Variants in MUC4 observed in about 807,000 individuals in gnomAD.
The protein encoded by MUC4 is mucin-4.
In MUC4, 202 loss-of-function variants were observed where a neutral mutation model predicts 257.9. The observed-to-expected ratio is 0.78, with a 90% CI of 0.70 to 0.88. The LOEUF (loss-of-function observed/expected upper bound fraction) is 0.88, where lower values mean the gene tolerates loss of function less well. Ranked by LOEUF, MUC4 falls within the 40% of genes least tolerant of loss-of-function variation. The pLI, the probability that MUC4 is intolerant of heterozygous loss-of-function variation, is 0.00. For synonymous variants in MUC4, 2,351 were observed against 2,757.1 expected (o/e 0.85, Z 4.62); for missense variants, 5,976 against 6,513.7 (o/e 0.92, Z 2.84).
intron 1 of MUC4, among the ~76,000 whole-genome samples, chr3:195,807,965 C>T (rs1403615807): frequency 6.6e-6 from 1 of 152,208 alleles, no homozygotes; most frequent in Admixed American, 6.5e-5. Flanking sequence ...AGGCAGGGAG[C>T]GGTGAGGCAG....
At chr3:195,748,091 G>C (rs78201932) in intron 24 of MUC4, among the ~76,000 whole-genome samples, 3,864 of 151,836 alleles carry the variant, frequency 0.025, 24 homozygotes, top group African/African-American at 0.088. Context: ...CGGAGCCCAG[G>C]TCTGCGTGGG....
chr3:195,762,104 C>A lies in MUC4; in HGVS notation c.14495G>T (p.Arg4832Leu), dbSNP rs1325189588. 3 of 1,603,084 alleles carry A rather than the reference C, an allele frequency of 1.9e-6. No homozygotes were observed. Among genetic ancestry groups the A allele is most frequent in the East Asian group, 4.5e-5 (2 of 44,586 alleles). ...SASLPPEYQN[R>L]TEGLLGVWNN... The stretch of plus-strand genomic sequence containing the variant: ...GCCCTCACCCAGGAGCCCCTCCGTG[C>A]GGTTCTGGTACTCGGGCGGGAGGCT... The change falls in exon 14 of 25, where the codon CGC (arginine) becomes CTC (leucine). Residue 4832 changes from arginine to leucine, a missense_variant. Physicochemically the swap from Arg to Leu is moderately radical, Grantham distance 102. Around this residue, in one of 44 missense-constraint regions of MUC4, gnomAD observed 996 missense variants for 1,137.3 expected, o/e 0.88. Transcript: ENST00000463781.
At chr3:195,754,609 G>A (rs1671755546) in intron 18 of MUC4, among the ~76,000 whole-genome samples, 1 of 152,214 alleles carries the variant, frequency 6.6e-6, no homozygotes, top group Non-Finnish European at 1.5e-5. Context: ...CTGACCCCCT[G>A]CCTGGCCCTG....
Position 195,764,088 on chromosome 3 carries a change from C to T in MUC4, c.14001G>A (p.Arg4667=), listed in dbSNP as rs1719869702. 3 of 1,609,196 alleles carry T rather than the reference C, an allele frequency of 1.9e-6. No individual in the cohort carries two copies. The highest frequency in any genetic ancestry group is 2.2e-5 in the East Asian group (1 of 44,722). The change falls in exon 11 of 25, where the codon AGG becomes AGA. Residue 4667 remains arginine, a synonymous_variant. Coordinates refer to ENST00000463781, the MANE Select transcript of MUC4 (RefSeq NM_018406.7). ...ATGTAGCACAGCCCACGTGGGGCCG[C>T]CTCTGCTGGTACAGGGCACAGAGGT... ...KPYLCALYQQ[R]RPHVGCATYR... is the part of the protein sequence containing the mutation.
rs769365481 is a variant in MUC4 at position 195,783,305 on chromosome 3, A to T, written c.8275T>A (p.Ser2759Thr). Reference protein sequence around the residue: ...DTTPLPVTDTSSASTGHATPL... With the variant: ...DTTPLPVTDTTSASTGHATPL... ...GTGGCGTGACCTGTGGATGCTGAGG[A>T]AGTGTCGGTGACAGGAAGAGGGGTG... Residue 2759 changes from serine to threonine, a missense_variant, in exon 2 of 25, where the codon TCC becomes ACC. Around this residue, in one of 44 missense-constraint regions of MUC4, gnomAD observed 2 missense variants for 30.9 expected, o/e 0.06. Coordinates refer to ENST00000463781, the MANE Select transcript of MUC4 (RefSeq NM_018406.7). The T allele has an allele frequency of 6.0e-6, 9 of 1,487,998 alleles. No individual in the cohort carries two copies. Among genetic ancestry groups the T allele is most frequent in the African/African-American group, 5.8e-5 (4 of 68,844 alleles). 92.2% of individuals were successfully genotyped at this position (1,487,998 alleles called of 1,614,324 possible).
In MUC4 at chr3:195,787,926, A is replaced by T; in HGVS notation, c.3654T>A (p.Pro1218=). 1.0e-6 allele frequency: 1 copy of T among 990,590 alleles called. No homozygotes were observed. The highest frequency in any genetic ancestry group is 1.5e-5 in the South Asian group (1 of 67,246). The allele number at this position is 990,590 out of a possible 1,614,324, so 61.4% of individuals were successfully genotyped here. The change falls in exon 2 of 25, where the codon CCT becomes CCA. Residue 1218 remains proline (P), a synonymous_variant. Coordinates refer to ENST00000463781, the MANE Select transcript of MUC4 (RefSeq NM_018406.7). ...TGGACACTGAGGAAGCGTCGGTGAC[A>T]GGAAGAGGGGTGGCGTGTCCTGTGG... is the stretch of plus-strand genomic sequence containing the variant. ...SASTGHATPL[P]VTDASSVSTD... is the part of the protein sequence containing the mutation.
rs1733246431 is a variant in MUC4 at position 195,788,498 on chromosome 3, T to C, written c.3082A>G (p.Thr1028Ala). 2 of 1,493,306 alleles carry C rather than the reference T, an allele frequency of 1.3e-6. 1 individual carries two copies. Among genetic ancestry groups the C allele is most frequent in the Non-Finnish European group, 1.8e-6 (2 of 1,116,226 alleles). 92.5% of individuals were successfully genotyped at this position (1,493,306 alleles called of 1,614,324 possible). A position where few individuals can be genotyped will look rare whatever the true frequency, so the allele number is the denominator to read the frequency against. The stretch of plus-strand genomic sequence containing the variant: ...CCTGTGGATTCTGAGGAAGTGTCGG[T>C]GACAGGAAGAGGGGTGGTGTGACCT... ...STGHTTPLPVTDTSSESTGHV... is the reference protein window; with the variant it reads ...STGHTTPLPVADTSSESTGHV... The change falls in exon 2 of 25, where the codon ACC becomes GCC. Residue 1028 changes from threonine to alanine, a missense_variant. Physicochemically the swap from Thr to Ala is moderately conservative, Grantham distance 58 (BLOSUM62 0). Coordinates refer to ENST00000463781, the MANE Select transcript of MUC4 (RefSeq NM_018406.7).
At chr3:195,761,660 AGTGG>A in intron 14 of MUC4, 75 bp from the exon 15 acceptor site, 1 of 1,187,978 alleles carries the variant, frequency 8.4e-7, no homozygotes, top group East Asian at 2.3e-5. Context: ...CGGCGGACGC[AGTGG>A]GGAGAGGCCA....
intron 19 of MUC4, chr3:195,753,686 C>G (rs1716932659): frequency 4.8e-6 from 1 of 208,806 alleles, no homozygotes; most frequent in African/African-American, 2.4e-5. Context: ...TCATCAGACT[C>G]TGGTGACTCA....
Position 195,763,499 on chromosome 3 carries a change from T to C in MUC4, c.14187A>G (p.Ser4729=). ...LLQGRTAQTG[S]AQATNFIAFA... ...AGGCGATGAAGTTGGTGGCCTGGGC[T>C]GAGCCAGTCTGGGCGGTGCGGCCCT... The change falls in exon 12 of 25, where the codon TCA becomes TCG. Residue 4729 remains serine (S), a synonymous_variant. Transcript: ENST00000463781. The C allele has an allele frequency of 6.5e-7, 1 of 1,538,676 alleles. No homozygotes were observed. Among genetic ancestry groups the C allele is most frequent in the Non-Finnish European group, 8.8e-7 (1 of 1,138,928 alleles).
intron 24 of MUC4, among the ~76,000 whole-genome samples, chr3:195,747,935 G>A (rs1158269790): frequency 2.0e-4 from 30 of 152,258 alleles, no homozygotes; most frequent in Admixed American, 3.3e-4. Flanking sequence ...CAGGGATGCC[G>A]GCCACAGGTG....
Position 195,790,298 on chromosome 3 carries a change from T to C in MUC4, c.1282A>G (p.Ile428Val), listed in dbSNP as rs369143553. ...GTTGACAGAGTGTCTGACCACCATATGGTTGAAACTTTGGAAGTGATTGCA... is the reference window on the plus strand; with the variant it reads ...GTTGACAGAGTGTCTGACCACCATACGGTTGAAACTTTGGAAGTGATTGCA... Reference protein sequence around the residue: ...ISAITSKVSTIWWSDTLSTAL... With the variant: ...ISAITSKVSTVWWSDTLSTAL... The change falls in exon 2 of 25, where the codon ATA (isoleucine) becomes GTA (valine). Residue 428 changes from isoleucine to valine, a missense_variant. Physicochemically the swap from Ile to Val is conservative, Grantham distance 29. Coordinates refer to ENST00000463781, the MANE Select transcript of MUC4 (RefSeq NM_018406.7). 1,033 of 1,613,846 alleles carry C rather than the reference T, an allele frequency of 6.4e-4. No homozygotes were observed. The highest frequency in any genetic ancestry group is 1.1e-3 in the Admixed American group (64 of 60,000).
intron 8 of MUC4, 152 bp from the exon 9 acceptor site, chr3:195,765,601 C>A: frequency 1.3e-6 from 1 of 756,148 alleles, no homozygotes; most frequent in Non-Finnish European, 2.1e-6. Context: ...AATTCCTCCC[C>A]CAAAGCCCCT....
In MUC4 at chr3:195,779,399, G is replaced by A. The variant is rs547257415; in HGVS notation, c.12181C>T (p.His4061Tyr). The change falls in exon 2 of 25, where the codon CAC (histidine) becomes TAC (tyrosine). Residue 4061 changes from histidine (H) to tyrosine (Y), a missense_variant. Coordinates refer to ENST00000463781, the MANE Select transcript of MUC4 (RefSeq NM_018406.7). ...VTNASSLSTG[H>Y]ATPLHVTSPS... The stretch of plus-strand genomic sequence containing the variant: ...CTGGTGACATGAAGAGGGGTGGCGT[G>A]ACCTGTGGATAATGAGGAAGCATTG... The A allele has an allele frequency of 8.1e-7, 1 of 1,233,422 alleles. No individual in the cohort carries two copies. Among genetic ancestry groups the A allele is most frequent in the East Asian group, 3.3e-5 (1 of 30,408 alleles). The allele number at this position is 1,233,422 out of a possible 1,614,324, so 76.4% of individuals were successfully genotyped here. A position where few individuals can be genotyped will look rare whatever the true frequency, so the allele number is the denominator to read the frequency against.
chr3:195,750,914 C>T lies in MUC4; in HGVS notation c.15846G>A (p.Gly5282=), dbSNP rs927788481. ...RNDVVFQPIS[G]EDVRDVTALN... ...GGGCTGTCACATCGCGCACGTCTTC[C>T]CCGGAGATGGGCTGGAAGACCACGT... The change falls in exon 23 of 25, where the codon GGG becomes GGA. Residue 5282 remains glycine (G), a synonymous_variant. Coordinates refer to ENST00000463781, the MANE Select transcript of MUC4 (RefSeq NM_018406.7). 22 of 1,613,754 alleles carry T rather than the reference C, an allele frequency of 1.4e-5. No individual in the cohort carries two copies. Among genetic ancestry groups the T allele is most frequent in the Non-Finnish European group, 1.9e-5 (22 of 1,179,922 alleles).
intron 7 of MUC4, among the ~76,000 whole-genome samples, chr3:195,767,606 C>CCAT (rs1553860718): frequency 1.2e-4 from 13 of 109,578 alleles, no homozygotes; most frequent in Non-Finnish European, 1.1e-4. Flanking sequence ...ACCATCATCA[C>CCAT]CATTGCCACC....
intron 6 of MUC4, 61 bp downstream of exon 6, chr3:195,770,155 T>G: frequency 6.9e-7 from 1 of 1,446,134 alleles, no homozygotes; most frequent in Non-Finnish European, 9.1e-7. Flanking sequence ...GGCCCCTGCC[T>G]AGGATTCTAG....
rs200688313 is a variant in MUC4 at position 195,789,493 on chromosome 3, G to T, written c.2087C>A (p.Ala696Asp). ...APTISAATTF[A>D]PAPTGDGHTT... ...GTGACCATCCCCGGTGGGAGCTGGG[G>T]CAAAGGTTGTTGCTGCACTTATGGT... is the stretch of plus-strand genomic sequence containing the variant. The change falls in exon 2 of 25, where the codon GCC becomes GAC. Residue 696 changes from alanine (A) to aspartate (D), a missense_variant. Ala to Asp is a moderately radical substitution (Grantham distance 126). Transcript: ENST00000463781. 1.2e-5 allele frequency: 19 copies of T among 1,613,786 alleles called. No homozygotes were observed. Among genetic ancestry groups the T allele is most frequent in the Middle Eastern group, 1.6e-4 (1 of 6,084 alleles).
At chr3:195,806,515 A>G (rs936982155) in intron 1 of MUC4, among the ~76,000 whole-genome samples, 2 of 152,252 alleles carry the variant, frequency 1.3e-5, no homozygotes, top group Non-Finnish European at 2.9e-5. Context: ...AGACTGGGCC[A>G]CGTCTGTTTC....
Sources: gnomAD v4.1 joint callset for allele counts (sites outside exome capture counted in the v4.1 genomes callset) on GRCh38, gnomAD v4.1.1 for gene constraint, gnomAD v4.1.1 regional missense constraint, MANE v1.5 for transcripts, NCBI Gene and HGNC (gene_info 2026-07-23, HGNC 2026-07-21) for gene names.